SCAPER: variants seen among roughly 807,000 people sequenced by gnomAD.
The protein encoded by SCAPER is S phase cyclin A-associated protein in the endoplasmic reticulum.
SCAPER carries 98 observed loss-of-function variants against 182.2 expected under a neutral mutation model. That is an observed-to-expected ratio of 0.54 (90% confidence interval 0.46 to 0.64). SCAPER has a LOEUF of 0.64. Among genes scored for constraint, SCAPER ranks in the 30% least tolerant of loss-of-function variants. The pLI, the probability that SCAPER is intolerant of heterozygous loss-of-function variation, is 0.00. For synonymous variants in SCAPER, 605 were observed against 564.6 expected (o/e 1.07, Z -1.01); for missense variants, 1,432 against 1,690.0 (o/e 0.85, Z 2.68).
At chr15:76,431,162 C>A (rs1482698845) in intron 26 of SCAPER, among the ~76,000 whole-genome samples, 1 of 127,714 alleles carries the variant, frequency 7.8e-6, no homozygotes, top group Admixed American at 7.8e-5. Flanking sequence ...ATGTCTTTAA[C>A]AGTAGTGTAA....
intron 20 of SCAPER, among the ~76,000 whole-genome samples, chr15:76,675,635 C>T (rs112641948): frequency 0.013 from 2,022 of 152,238 alleles, 11 homozygotes; most frequent in South Asian, 0.028. Flanking sequence ...GGTTCTAATG[C>T]CCTTCCCATA....
At chr15:76,551,655 T>C (rs760241956) in intron 23 of SCAPER, among the ~76,000 whole-genome samples, 3 of 152,286 alleles carry the variant, frequency 2.0e-5, no homozygotes, top group East Asian at 1.9e-4. Context: ...AGGGTGACCA[T>C]AGTTAACAAT....
chr15:76,393,634 C>T (rs879268621), intron 27 of SCAPER, among the ~76,000 whole-genome samples: 11 of 152,202 alleles, frequency 7.2e-5, no homozygotes, highest in Non-Finnish European at 1.5e-4. Context: ...CCTTCATCCT[C>T]CCCAGGAAGA....
intron 23 of SCAPER, among the ~76,000 whole-genome samples, chr15:76,538,482 T>C (rs1476067758): frequency 6.6e-6 from 1 of 151,906 alleles, no homozygotes; most frequent in African/African-American, 2.4e-5. Context: ...AACCAAACAC[T>C]GCATGTTCTC....
intron 24 of SCAPER, among the ~76,000 whole-genome samples, chr15:76,501,043 A>T (rs936581265): frequency 4.0e-5 from 5 of 123,864 alleles, no homozygotes; most frequent in African/African-American, 1.5e-4. Context: ...ACCCTGTCTA[A>T]AAAAAAAAAA....
intron 5 of SCAPER, among the ~76,000 whole-genome samples, chr15:76,832,434 G>C (rs993619363): frequency 2.0e-5 from 3 of 152,152 alleles, no homozygotes; most frequent in African/African-American, 7.2e-5. Flanking sequence ...AAAGAAAAAG[G>C]AATTTTAAAA....
chr15:76,559,200 AATT>A (rs1325001834), intron 23 of SCAPER, among the ~76,000 whole-genome samples: 2 of 77,018 alleles, frequency 2.6e-5, no homozygotes, highest in Non-Finnish European at 5.8e-5. Flanking sequence ...ACACCCAGCT[AATT>A]TTTTTTTTTT....
chr15:76,699,982 C>T (rs566148891), intron 20 of SCAPER, among the ~76,000 whole-genome samples: 4 of 152,178 alleles, frequency 2.6e-5, no homozygotes, highest in African/African-American at 4.8e-5. Flanking sequence ...GGTAGTTGCA[C>T]GCCAGCAGGG....
intron 26 of SCAPER, among the ~76,000 whole-genome samples, chr15:76,407,233 C>T (rs1465986755): frequency 6.6e-6 from 1 of 152,152 alleles, no homozygotes; most frequent in Non-Finnish European, 1.5e-5. Flanking sequence ...CTATTGTTCC[C>T]AGGCTACAAA....
chr15:76,397,654 A>G (rs1218179343), intron 27 of SCAPER, among the ~76,000 whole-genome samples: 1 of 151,706 alleles, frequency 6.6e-6, no homozygotes, highest in African/African-American at 2.4e-5. Context: ...ATAATTTTGT[A>G]TTTTTAGTAG....
At chr15:76,699,574 C>A (rs1349883277) in intron 20 of SCAPER, among the ~76,000 whole-genome samples, 1 of 152,154 alleles carries the variant, frequency 6.6e-6, no homozygotes, top group Non-Finnish European at 1.5e-5. Flanking sequence ...ATACACTGCA[C>A]GTTCAGTGAA....
At chr15:76,485,273 T>G (rs2461872) in intron 24 of SCAPER, among the ~76,000 whole-genome samples, 35,638 of 152,010 alleles carry the variant, frequency 0.23, 5,163 homozygotes, top group East Asian at 0.51. Flanking sequence ...AGGAACATAC[T>G]CCCATTCACA....
intron 15 of SCAPER, among the ~76,000 whole-genome samples, chr15:76,740,160 C>T (rs1410281282): frequency 1.3e-5 from 2 of 152,206 alleles, no homozygotes; most frequent in Non-Finnish European, 2.9e-5. Flanking sequence ...GAGTGACACC[C>T]TGTCTCTACT....
rs561155734 is a variant in SCAPER, at chr15:76,377,103, G to A, written c.3706-792C>T. The stretch of plus-strand genomic sequence containing the variant: ...TGGAATGAAGCACCACTGCTGGCCT[G>A]TGGGAAAAGGCAGAGTTTTAAACTC... On this transcript the variant is annotated intron_variant, in intron 28 of 31. Transcript: ENST00000563290. Among the ~76,000 whole-genome samples the A allele has an allele frequency of 2.6e-5, 4 of 152,340 alleles. No individual in the cohort carries two copies. The East Asian group carries it at 5.8e-4, about 22-fold the overall frequency.
intron 20 of SCAPER, among the ~76,000 whole-genome samples, chr15:76,692,615 G>T (rs960305184): frequency 6.6e-6 from 1 of 151,006 alleles, no homozygotes; most frequent in Admixed American, 6.6e-5. Context: ...CTTGAACCCA[G>T]GAGGCAGAGG....
intron 17 of SCAPER, among the ~76,000 whole-genome samples, chr15:76,723,331 G>A (rs191494665): frequency 0.012 from 1,812 of 152,250 alleles, 22 homozygotes; most frequent in African/African-American, 0.04. Flanking sequence ...CATTTGCTGA[G>A]GAGTGTTTTA....
intron 3 of SCAPER, 135 bp downstream of exon 3, chr15:76,862,281 A>G: frequency 1.8e-6 from 1 of 543,888 alleles, no homozygotes; most frequent in Non-Finnish European, 3.2e-6. Context: ...TAAAAGCAAC[A>G]AAAAAGTATT....
chr15:76,653,410 C>T (rs1228923380), intron 21 of SCAPER, among the ~76,000 whole-genome samples: 1 of 152,142 alleles, frequency 6.6e-6, no homozygotes, highest in African/African-American at 2.4e-5. Flanking sequence ...ATAACAACAG[C>T]AATCCTAAGC....
At chr15:76,810,918 T>C (rs1263170471) in intron 5 of SCAPER, among the ~76,000 whole-genome samples, 1 of 152,056 alleles carries the variant, frequency 6.6e-6, no homozygotes, top group South Asian at 2.1e-4. Context: ...AGGAAAAAAC[T>C]GTCTCCAGAG....
Sources: gnomAD v4.1 joint callset for allele counts (sites outside exome capture counted in the v4.1 genomes callset) on GRCh38, gnomAD v4.1.1 for gene constraint, MANE v1.5 for transcripts, NCBI Gene and HGNC (gene_info 2026-07-23, HGNC 2026-07-21) for gene names.